Variants in MACROD2 observed in about 807,000 individuals in gnomAD.
MACROD2 encodes the protein ADP-ribose glycohydrolase MACROD2.
Under a neutral mutation model 70.4 loss-of-function variants are expected in MACROD2, and 36 were observed. The ratio of observed to expected loss-of-function variants is 0.51; its 90% CI spans 0.39 to 0.68. The LOEUF (loss-of-function observed/expected upper bound fraction) is 0.68. Among genes scored for constraint, MACROD2 ranks in the 30% least tolerant of loss-of-function variants. MACROD2 has a pLI of 0.00. For missense variants in MACROD2, 496 were observed against 538.4 expected (o/e 0.92, Z 0.78); for synonymous variants, 172 against 178.8 (o/e 0.96, Z 0.30).
chr20:14,218,558 T>G (rs1164795904), intron 3 of MACROD2, among the ~76,000 whole-genome samples: 1 of 152,222 alleles, frequency 6.6e-6, no homozygotes, highest in Non-Finnish European at 1.5e-5. Context: ...ATGATCTTTG[T>G]TGCCTGTGTA....
chr20:15,930,956 C>G (rs2065567191), intron 10 of MACROD2, among the ~76,000 whole-genome samples: 2 of 152,188 alleles, frequency 1.3e-5, no homozygotes, highest in South Asian at 2.1e-4. Flanking sequence ...ATCTCCCTAC[C>G]CCTACTCTGT....
At chr20:14,243,114 C>T (rs2081942765) in intron 3 of MACROD2, among the ~76,000 whole-genome samples, 1 of 152,158 alleles carries the variant, frequency 6.6e-6, no homozygotes, top group African/African-American at 2.4e-5. Flanking sequence ...TCCCCTTTAC[C>T]TCTAATGTCT....
chr20:14,650,414 A>T (rs1211749954), intron 4 of MACROD2, among the ~76,000 whole-genome samples: 1 of 152,236 alleles, frequency 6.6e-6, no homozygotes, highest in Non-Finnish European at 1.5e-5. Flanking sequence ...CAACTTTAGT[A>T]ATTATCTCCT....
intron 8 of MACROD2, among the ~76,000 whole-genome samples, chr20:15,624,556 TGGCCCACAGACTGAATTA>T (rs1000186297): frequency 3.3e-5 from 5 of 152,200 alleles, no homozygotes; most frequent in Non-Finnish European, 7.3e-5. Context: ...TAGAAAGCTA[TGGCCCACAGACTGAATTA>T]GGCCCACTGA....
At chr20:15,560,203 T>C (rs1428697135) in intron 8 of MACROD2, among the ~76,000 whole-genome samples, 1 of 152,180 alleles carries the variant, frequency 6.6e-6, no homozygotes, top group Non-Finnish European at 1.5e-5. Flanking sequence ...TAAGAGACAT[T>C]GTGTTGGAGT....
intron 3 of MACROD2, among the ~76,000 whole-genome samples, chr20:14,237,306 T>C (rs961271370): frequency 2.0e-5 from 3 of 152,038 alleles, no homozygotes. Flanking sequence ...TGATTCTTTT[T>C]TTTGTTAGAG....
At chr20:15,658,045 C>T (rs2146809580) in intron 8 of MACROD2, among the ~76,000 whole-genome samples, 1 of 152,248 alleles carries the variant, frequency 6.6e-6, no homozygotes, top group Middle Eastern at 3.4e-3. Flanking sequence ...CAAGAGCAAT[C>T]AGATTTTTCT....
intron 3 of MACROD2, among the ~76,000 whole-genome samples, chr20:14,472,773 C>T (rs762788182): frequency 7.9e-5 from 12 of 152,280 alleles, no homozygotes; most frequent in Non-Finnish European, 1.8e-4. Context: ...AAGGCAGAAA[C>T]ACTGCTTATA....
chr20:15,029,217 T>C (rs1330695742), intron 5 of MACROD2, among the ~76,000 whole-genome samples: 1 of 152,202 alleles, frequency 6.6e-6, no homozygotes, highest in African/African-American at 2.4e-5. Flanking sequence ...CTACCTCTTA[T>C]AGACTCATCC....
chr20:14,432,223 G>A (rs2084002498), intron 3 of MACROD2, among the ~76,000 whole-genome samples: 1 of 152,030 alleles, frequency 6.6e-6, no homozygotes, highest in African/African-American at 2.4e-5. Flanking sequence ...CCTTAGGGCT[G>A]TCTCACTTAC....
At chr20:14,545,397 G>C (rs766554948) in intron 4 of MACROD2, among the ~76,000 whole-genome samples, 4 of 152,110 alleles carry the variant, frequency 2.6e-5, no homozygotes, top group Non-Finnish European at 5.9e-5. Flanking sequence ...AGGTGATCTA[G>C]TCATTACAGC....
At chr20:14,695,039 C>T (rs554997275) in intron 5 of MACROD2, among the ~76,000 whole-genome samples, 2 of 150,064 alleles carry the variant, frequency 1.3e-5, no homozygotes, top group Admixed American at 1.3e-4. Context: ...CTGTGGTTTC[C>T]CTCTCTCTCT....
intron 3 of MACROD2, among the ~76,000 whole-genome samples, chr20:14,248,513 G>A (rs559036351): frequency 6.2e-4 from 95 of 152,274 alleles, no homozygotes; most frequent in Non-Finnish European, 1.2e-3. Flanking sequence ...AACCCGGCAG[G>A]CGGAGGTTGC....
chr20:14,325,991 T>C, intron 3 of MACROD2: 2 of 1,613,852 alleles, frequency 1.2e-6, no homozygotes, highest in Non-Finnish European at 1.7e-6. Flanking sequence ...GGGTTGTACA[T>C]TCGAAGGGGT....
intron 5 of MACROD2, among the ~76,000 whole-genome samples, chr20:14,885,207 C>T (rs948675766): frequency 4.6e-5 from 7 of 152,112 alleles, no homozygotes. Flanking sequence ...ATATCTGATA[C>T]TATAGTTACC....
intron 8 of MACROD2, among the ~76,000 whole-genome samples, chr20:15,574,251 G>A (rs555784286): frequency 8.5e-5 from 13 of 152,048 alleles, no homozygotes; most frequent in Admixed American, 8.5e-4. Context: ...CTGAATTCTG[G>A]TGATAAAACA....
At chr20:15,653,145 CACCTAAAGTGA>C (rs1194772348) in intron 8 of MACROD2, among the ~76,000 whole-genome samples, 3 of 152,214 alleles carry the variant, frequency 2.0e-5, no homozygotes, top group Non-Finnish European at 4.4e-5. Flanking sequence ...CTATCTCTTA[CACCTAAAGTGA>C]ACCTTCTAGA....
intron 8 of MACROD2, among the ~76,000 whole-genome samples, chr20:15,615,141 A>T (rs2049020438): frequency 6.6e-6 from 1 of 152,162 alleles, no homozygotes; most frequent in Admixed American, 6.5e-5. Flanking sequence ...CCCAATCTGC[A>T]CCAAGTTCTA....
intron 8 of MACROD2, among the ~76,000 whole-genome samples, chr20:15,626,168 A>G (rs1278501260): frequency 1.3e-5 from 2 of 152,186 alleles, no homozygotes; most frequent in African/African-American, 2.4e-5. Context: ...TTCTTTTTGG[A>G]AGAAATCTTC....
Sources: allele counts gnomAD v4.1 joint callset (sites outside exome capture counted in the v4.1 genomes callset), GRCh38; gene constraint gnomAD v4.1.1; transcripts MANE v1.5; gene names NCBI Gene and HGNC (gene_info 2026-07-23, HGNC 2026-07-21).